ZSWIM4: variants seen among roughly 807,000 people sequenced by gnomAD.
The protein encoded by ZSWIM4 is zinc finger SWIM-type containing 4.
A neutral mutation model predicts 102.5 loss-of-function variants in ZSWIM4; 62 were observed. The observed-to-expected ratio is 0.60, with a 90% confidence interval of 0.49 to 0.75. The LOEUF (loss-of-function observed/expected upper bound fraction) is 0.75, where lower values mean the gene tolerates loss of function less well. Ranked by LOEUF, ZSWIM4 falls within the 30% of genes least tolerant of loss-of-function variation. The pLI is 0.00. For synonymous variants in ZSWIM4, 652 were observed against 674.5 expected, an observed-to-expected ratio of 0.97 and a Z score of 0.52; for missense variants, 1,280 against 1,529.6, an observed-to-expected ratio of 0.84 and a Z score of 2.72.
rs755496270 is a variant in ZSWIM4, at chr19:13,809,243, T to G, written c.1012+23T>G. The G allele has an allele frequency of 6.3e-7, 1 of 1,578,076 alleles. No individual in the cohort carries two copies. Among genetic ancestry groups the G allele is most frequent in the South Asian group, 1.1e-5 (1 of 89,218 alleles). On this transcript the variant is annotated intron_variant, in intron 5 of 13. Coordinates refer to ENST00000590508, the MANE Select transcript of ZSWIM4 (RefSeq NM_001367834.3). The surrounding 1 kb of genome is among the most constrained non-coding windows in gnomAD (Gnocchi z 4.2). ...TGGGTGAGGCCCAAACCCCGGTGCG[T>G]GGTGGACACCGGGACTTCGGCTCCC...
At chr19:13,812,940 AGT>A in intron 5 of ZSWIM4, 55 bp from the exon 6 acceptor site, 2 of 1,538,916 alleles carry the variant, frequency 1.3e-6, no homozygotes, top group South Asian at 2.4e-5. Flanking sequence ...GCACTGCGGA[AGT>A]GTGTGTTGCT....
At chr19:13,802,356 C>T (rs190579669) in intron 2 of ZSWIM4, among the ~76,000 whole-genome samples, 7 of 149,494 alleles carry the variant, frequency 4.7e-5, no homozygotes, top group South Asian at 2.2e-4. Context: ...GGGGCTGAGG[C>T]GGGTGGATCA....
Position 13,804,821 on chromosome 19 carries a change from C to G in ZSWIM4, c.385C>G (p.Pro129Ala). 6.3e-7 allele frequency: 1 copy of G among 1,597,568 alleles called. No homozygotes were observed. Among genetic ancestry groups the G allele is most frequent in the Non-Finnish European group, 8.6e-7 (1 of 1,168,796 alleles). Residue 129 changes from proline (P) to alanine (A), a missense_variant, in exon 3 of 14, where the codon CCA becomes GCA. Physicochemically the swap from Pro to Ala is conservative, Grantham distance 27. Transcript: ENST00000590508. ...GFHLSGNIRE[P>A]GSPGEPERLY... Reference sequence around the variant, plus strand: ...CCACCTGAGCGGAAACATCCGCGAGCCAGGGAGTCCTGGAGAGCCCGAGCG... The same window carrying G: ...CCACCTGAGCGGAAACATCCGCGAGGCAGGGAGTCCTGGAGAGCCCGAGCG...
intron 2 of ZSWIM4, among the ~76,000 whole-genome samples, chr19:13,800,288 C>T (rs1329363098): frequency 1.5e-5 from 1 of 64,896 alleles, no homozygotes; most frequent in African/African-American, 4.7e-5. Context: ...TTTTTTGAGA[C>T]GGAGTCTCGC....
intron 2 of ZSWIM4, among the ~76,000 whole-genome samples, chr19:13,804,125 A>G (rs1974848205): frequency 6.6e-6 from 1 of 151,498 alleles, no homozygotes; most frequent in South Asian, 2.1e-4. Flanking sequence ...CGGCCTCCCA[A>G]AGTGCTGGGA....
intron 9 of ZSWIM4, among the ~76,000 whole-genome samples, chr19:13,818,816 G>T (rs1259790313): frequency 6.7e-6 from 1 of 149,746 alleles, no homozygotes; most frequent in Non-Finnish European, 1.5e-5. Flanking sequence ...TGCCCGCCTC[G>T]GCCTCCCAAA....
At chr19:13,807,579 G>GATGA (rs1298296909) in intron 3 of ZSWIM4, among the ~76,000 whole-genome samples, 3 of 137,872 alleles carry the variant, frequency 2.2e-5, no homozygotes, top group Non-Finnish European at 4.4e-5. Flanking sequence ...AAGATGGATG[G>GATGA]ATGGATGGAT....
intron 2 of ZSWIM4, among the ~76,000 whole-genome samples, chr19:13,802,584 G>C (rs1447055493): frequency 6.9e-6 from 1 of 145,074 alleles, no homozygotes; most frequent in South Asian, 2.2e-4. Flanking sequence ...TGTCTCAAAA[G>C]AAAAAAAAAA....
chr19:13,804,279 T>C (rs1460371319), intron 2 of ZSWIM4, among the ~76,000 whole-genome samples: 1 of 151,946 alleles, frequency 6.6e-6, no homozygotes, highest in Non-Finnish European at 1.5e-5. Flanking sequence ...AAAATCAGCC[T>C]GACCAACATG....
intron 2 of ZSWIM4, among the ~76,000 whole-genome samples, chr19:13,801,513 C>T (rs936735768): frequency 2.6e-5 from 4 of 151,996 alleles, no homozygotes; most frequent in Admixed American, 2.0e-4. Context: ...GTGGGGCCCA[C>T]GTGGGAGTTG....
intron 1 of ZSWIM4, 57 bp from the exon 2 acceptor site, chr19:13,799,663 C>G: frequency 6.4e-7 from 1 of 1,570,900 alleles, no homozygotes; most frequent in South Asian, 1.1e-5. Context: ...CCTAAGCTTC[C>G]CAAAGCGCTG....
intron 10 of ZSWIM4, 25 bp from the exon 11 acceptor site, chr19:13,823,321 A>G: frequency 6.2e-7 from 1 of 1,601,976 alleles, no homozygotes; most frequent in East Asian, 2.2e-5. Flanking sequence ...CCTCCTCACC[A>G]TGGCTCACTT....
At chr19:13,808,278 G>A (rs1233074751) in intron 3 of ZSWIM4, among the ~76,000 whole-genome samples, 1 of 151,998 alleles carries the variant, frequency 6.6e-6, no homozygotes, top group African/African-American at 2.4e-5. Flanking sequence ...ATGAGAAAAT[G>A]GATGCATGAG....
chr19:13,803,517 C>A (rs10417705), intron 2 of ZSWIM4, among the ~76,000 whole-genome samples: 71,452 of 151,536 alleles, frequency 0.47, 19,830 homozygotes, highest in African/African-American at 0.79. Context: ...CTCGGTGGCT[C>A]GCGCCTATAA....
At chr19:13,826,699 A>T (rs1321152608) in intron 12 of ZSWIM4, among the ~76,000 whole-genome samples, 1 of 151,840 alleles carries the variant, frequency 6.6e-6, no homozygotes, top group Non-Finnish European at 1.5e-5. Flanking sequence ...CAGGAGGGAG[A>T]GGTTGCAGTG....
intron 12 of ZSWIM4, among the ~76,000 whole-genome samples, chr19:13,827,825 G>T (rs1027662082): frequency 6.6e-6 from 1 of 152,096 alleles, no homozygotes; most frequent in Non-Finnish European, 1.5e-5. Flanking sequence ...AGGCAAACAC[G>T]TGAGCTGCTG....
At chr19:13,814,458 G>A (rs1021455675) in intron 6 of ZSWIM4, 57 bp from the exon 7 acceptor site, 70 of 1,009,404 alleles carry the variant, frequency 6.9e-5, no homozygotes, top group Non-Finnish European at 7.8e-5. Context: ...AGCTGGACAC[G>A]GCTCAACTGC....
rs1253454120 is a variant in ZSWIM4, at chr19:13,817,968, T to A, written c.1916T>A (p.Leu639Gln). Residue 639 changes from leucine (L) to glutamine (Q), a missense_variant, in exon 9 of 14, where the codon CTG becomes CAG. By Grantham distance (113) the Leu-to-Gln change is moderately radical. Coordinates refer to ENST00000590508, the MANE Select transcript of ZSWIM4 (RefSeq NM_001367834.3). ...GTGCTGCGCAAGCAGGCGGGGCTGC[T>A]GCTGGAAGGTGAGGCCGCGCCCCTA... is the stretch of plus-strand genomic sequence containing the variant. ...VQVLRKQAGL[L>Q]LEGGPFSGFG... The A allele has an allele frequency of 1.3e-6, 2 of 1,508,170 alleles. No homozygotes were observed. The highest frequency in any genetic ancestry group is 2.8e-5 in the African/African-American group (2 of 72,330). 93.4% of individuals were successfully genotyped at this position (1,508,170 alleles called of 1,614,324 possible).
chr19:13,802,641 C>T (rs963134426), intron 2 of ZSWIM4, among the ~76,000 whole-genome samples: 6 of 151,464 alleles, frequency 4.0e-5, no homozygotes, highest in Non-Finnish European at 8.8e-5. Flanking sequence ...TGCAGTGGCG[C>T]GATAATAGCT....
Sources: allele counts gnomAD v4.1 joint callset (sites outside exome capture counted in the v4.1 genomes callset), GRCh38; gene constraint gnomAD v4.1.1; non-coding constraint Gnocchi (gnomAD v3.1); transcripts MANE v1.5; gene names NCBI Gene and HGNC (gene_info 2026-07-23, HGNC 2026-07-21).